Variants in NDST4 observed in about 807,000 individuals in gnomAD.
NDST4 encodes the protein N-heparan sulfate sulfotransferase 4.
A neutral mutation model predicts 100.8 loss-of-function variants in NDST4; 63 were observed. The ratio of observed to expected loss-of-function variants is 0.62; its 90% CI spans 0.51 to 0.77. The LOEUF (loss-of-function observed/expected upper bound fraction) is 0.77, where lower values mean the gene tolerates loss of function less well. Ranked by LOEUF, NDST4 falls within the 30% of genes least tolerant of loss-of-function variation. The pLI, the probability that NDST4 is intolerant of heterozygous loss-of-function variation, is 0.00. For synonymous variants in NDST4, 377 were observed against 361.8 expected, an observed-to-expected ratio of 1.04 and a Z score of -0.48; for missense variants, 943 against 1,018.4, an observed-to-expected ratio of 0.93 and a Z score of 1.01.
chr4:114,839,440 G>C lies in NDST4; in HGVS notation c.2224C>G (p.Leu742Val). Residue 742 changes from leucine (L) to valine (V), a missense_variant, in exon 11 of 14, where the codon CTA (leucine) becomes GTA (valine). Transcript: ENST00000264363. ...TGGACTGCATACCATCCAGGTACTA[G>C]GCATCTTCTCTGCAAAGTTTTTAAG... The part of the protein sequence containing the change: ...SDLKTLQRRC[L>V]VPGWYAVHIE... The C allele has an allele frequency of 1.9e-6, 3 of 1,613,874 alleles. No homozygotes were observed. The highest frequency in any genetic ancestry group is 2.5e-6 in the Non-Finnish European group (3 of 1,179,854).
At position 114,833,627 on chromosome 4, in the gene NDST4, T is replaced by C. The variant is rs1248480210; in HGVS notation, c.2375A>G (p.Tyr792Cys). Reference protein sequence around the residue: ...VQKFLGVTPRYNYSEALTFDP... With the variant: ...VQKFLGVTPRCNYSEALTFDP... ...TCACGTTAGTGCTTCAGAGTAATTA[T>C]AACGAGGTGTAACTCCCAGAAACTT... Residue 792 changes from tyrosine (Y) to cysteine (C), a missense_variant, in exon 12 of 14, where the codon TAT (tyrosine) becomes TGT (cysteine). By Grantham distance (194) the Tyr-to-Cys change is radical. Transcript: ENST00000264363. 1.2e-6 allele frequency: 2 copies of C among 1,611,122 alleles called. No individual in the cohort carries two copies. Among genetic ancestry groups the C allele is most frequent in the East Asian group, 2.2e-5 (1 of 44,822 alleles).
intron 2 of NDST4, among the ~76,000 whole-genome samples, chr4:115,049,461 A>G (rs1728536389): frequency 6.6e-6 from 1 of 152,120 alleles, no homozygotes. Context: ...GTTGTTTGGT[A>G]GACCCCTACA....
chr4:115,069,489 A>G lies in NDST4; in HGVS notation c.978+6570T>C, dbSNP rs558610787. Among the ~76,000 whole-genome samples the G allele has an allele frequency of 2.6e-5, 4 of 152,344 alleles. No homozygotes were observed. In the South Asian group the frequency reaches 8.3e-4, roughly 32 times the overall value. On this transcript the variant is annotated intron_variant, in intron 2 of 13. Coordinates refer to ENST00000264363, the MANE Select transcript of NDST4 (RefSeq NM_022569.3). ...ACAAACAACCCATTAAAAAATGGGC[A>G]GATGACATGAACAGACACTTTTCAA...
intron 4 of NDST4, among the ~76,000 whole-genome samples, chr4:114,937,804 G>T (rs560707031): frequency 1.8e-4 from 27 of 151,662 alleles, no homozygotes; most frequent in Non-Finnish European, 3.5e-4. Flanking sequence ...GATAAATGTG[G>T]GGGGCGGGGA....
chr4:114,908,539 AT>A (rs11292247), intron 6 of NDST4, among the ~76,000 whole-genome samples: 45,939 of 151,950 alleles, frequency 0.3, 9,344 homozygotes, highest in African/African-American at 0.58. Flanking sequence ...TGGCCCTTCC[AT>A]TTTTATGTGA....
chr4:115,072,306 C>T (rs1354013490), intron 2 of NDST4, among the ~76,000 whole-genome samples: 1 of 151,852 alleles, frequency 6.6e-6, no homozygotes, highest in Non-Finnish European at 1.5e-5. Context: ...CAATACAATT[C>T]CTAACAAAAT....
chr4:114,919,887 C>T (rs952372323), intron 6 of NDST4, among the ~76,000 whole-genome samples: 1 of 152,106 alleles, frequency 6.6e-6, no homozygotes, highest in Non-Finnish European at 1.5e-5. Flanking sequence ...GGAGAGTTGA[C>T]AGTACTTACT....
At chr4:114,884,044 T>C (rs1283905886) in intron 6 of NDST4, among the ~76,000 whole-genome samples, 2 of 152,146 alleles carry the variant, frequency 1.3e-5, no homozygotes, top group Non-Finnish European at 2.9e-5. Flanking sequence ...GAGAAAGTCA[T>C]GCCATGCTCA....
Position 115,061,709 on chromosome 4 carries a change from C to T in NDST4, c.978+14350G>A, listed in dbSNP as rs1462808706. ...AACCTAGATGACAGGTTGATGGGTG[C>T]AGCAAACCACCATGGCACATGTATA... On this transcript the variant is annotated intron_variant, in intron 2 of 13. Coordinates refer to ENST00000264363, the MANE Select transcript of NDST4 (RefSeq NM_022569.3). Among the ~76,000 whole-genome samples, 3 of 151,894 alleles carry T rather than the reference C, an allele frequency of 2.0e-5. No individual in the cohort carries two copies. In the East Asian group the frequency reaches 5.8e-4, roughly 29 times the overall value.
chr4:114,897,831 T>C (rs779883691), intron 6 of NDST4, among the ~76,000 whole-genome samples: 7 of 152,238 alleles, frequency 4.6e-5, no homozygotes, highest in Non-Finnish European at 7.3e-5. Flanking sequence ...GAACGTTTCT[T>C]CATATTCTTA....
At chr4:115,107,032 C>A (rs986582937) in intron 1 of NDST4, among the ~76,000 whole-genome samples, 1 of 151,890 alleles carries the variant, frequency 6.6e-6, no homozygotes. Flanking sequence ...GTGGTGTGCA[C>A]CTATAGTCCC....
At chr4:115,032,248 A>AC (rs1578469674) in intron 2 of NDST4, among the ~76,000 whole-genome samples, 1 of 152,032 alleles carries the variant, frequency 6.6e-6, no homozygotes, top group East Asian at 1.9e-4. Flanking sequence ...AATTAAAATG[A>AC]CCCCAAGAAA....
intron 3 of NDST4, among the ~76,000 whole-genome samples, chr4:114,972,573 G>A (rs1342671452): frequency 6.6e-6 from 1 of 151,992 alleles, no homozygotes; most frequent in East Asian, 1.9e-4. Flanking sequence ...AAGAAGAAGA[G>A]TTTACCACTT....
intron 2 of NDST4, among the ~76,000 whole-genome samples, chr4:114,990,532 T>C (rs1362407525): frequency 6.6e-6 from 1 of 152,084 alleles, no homozygotes; most frequent in Non-Finnish European, 1.5e-5. Context: ...ATCTCTTATC[T>C]TGGGCCAGCA....
At chr4:114,887,432 C>G (rs1724503203) in intron 6 of NDST4, among the ~76,000 whole-genome samples, 1 of 152,088 alleles carries the variant, frequency 6.6e-6, no homozygotes, top group Admixed American at 6.6e-5. Context: ...GCTTAAGTGT[C>G]AGAACTGTTT....
At chr4:114,934,691 T>C (rs1052648355) in intron 6 of NDST4, among the ~76,000 whole-genome samples, 3 of 152,044 alleles carry the variant, frequency 2.0e-5, no homozygotes, top group African/African-American at 7.2e-5. Context: ...ATGAATAAGT[T>C]AATAGTTAAT....
At chr4:114,904,542 G>C (rs1364044175) in intron 6 of NDST4, among the ~76,000 whole-genome samples, 1 of 151,842 alleles carries the variant, frequency 6.6e-6, no homozygotes, top group Non-Finnish European at 1.5e-5. Flanking sequence ...GAATAAAAAT[G>C]TGTGTTTTTA....
At chr4:114,991,208 T>C (rs1349568829) in intron 2 of NDST4, among the ~76,000 whole-genome samples, 1 of 152,060 alleles carries the variant, frequency 6.6e-6, no homozygotes, top group Non-Finnish European at 1.5e-5. Flanking sequence ...GGTGCACTTA[T>C]TTAAGACAAA....
chr4:114,934,563 A>AAAAT (rs1199293946), intron 6 of NDST4, among the ~76,000 whole-genome samples: 1 of 150,026 alleles, frequency 6.7e-6, no homozygotes, highest in Non-Finnish European at 1.5e-5. Context: ...CAAAAAAAAA[A>AAAAT]AAATAAAATA....
Sources: gnomAD v4.1 joint callset for allele counts (sites outside exome capture counted in the v4.1 genomes callset) on GRCh38, gnomAD v4.1.1 for gene constraint, MANE v1.5 for transcripts, NCBI Gene and HGNC (gene_info 2026-07-23, HGNC 2026-07-21) for gene names.